Variants in BTD observed in about 807,000 individuals in gnomAD.
BTD encodes biocytinase.
In BTD, 13 loss-of-function variants were observed where a neutral mutation model predicts 17.7. That is an observed-to-expected ratio of 0.74 (90% CI 0.48 to 1.17). The LOEUF (loss-of-function observed/expected upper bound fraction) is 1.17, where lower values mean the gene tolerates loss of function less well. Ranked by LOEUF, BTD falls within the 50% of genes most tolerant of loss-of-function variation. The pLI is 0.00. For synonymous variants in BTD, 240 were observed against 245.2 expected (o/e 0.98, Z 0.20); for missense variants, 674 against 650.4 (o/e 1.04, Z -0.39).
At chr3:15,616,082 G>C (rs1411337885) in intron 1 of BTD, among the ~76,000 whole-genome samples, 1 of 151,976 alleles carries the variant, frequency 6.6e-6, no homozygotes, top group African/African-American at 2.4e-5. Context: ...TCCAAGTTTT[G>C]GTAACTATGA....
chr3:15,682,138 T>C (rs1387797480), intron 3 of BTD, among the ~76,000 whole-genome samples: 2 of 152,180 alleles, frequency 1.3e-5, no homozygotes, highest in South Asian at 2.1e-4. Context: ...AAATTAGCTA[T>C]GAAGAGATGT....
chr3:15,642,277 T>A lies in BTD; in HGVS notation c.399+220T>A, dbSNP rs2065532414. The stretch of plus-strand genomic sequence containing the variant: ...ATCTATGGATCTTTCCATTTATTAA[T>A]TACACAATAAATACAGGAATGTATA... On this transcript the variant is annotated intron_variant, in intron 3 of 3. Coordinates refer to ENST00000643237, the MANE Select transcript of BTD (RefSeq NM_001370658.1). 2.1e-6 allele frequency: 3 copies of A among 1,426,420 alleles called. No homozygotes were observed. The East Asian group carries it at 7.5e-5, about 36-fold the overall frequency. 88.4% of individuals were successfully genotyped at this position (1,426,420 alleles called of 1,614,324 possible). A position where few individuals can be genotyped will look rare whatever the true frequency, so the allele number is the denominator to read the frequency against.
intron 3 of BTD, chr3:15,678,461 G>T: frequency 9.7e-7 from 1 of 1,035,654 alleles, no homozygotes; most frequent in Non-Finnish European, 1.3e-6. Flanking sequence ...TACATATTAG[G>T]CTACAAAAGC....
intron 3 of BTD, among the ~76,000 whole-genome samples, chr3:15,687,786 G>A (rs2068310027): frequency 6.6e-6 from 1 of 152,164 alleles, no homozygotes. Context: ...ACTTGGGGAT[G>A]TTCAAGAAGA....
At chr3:15,694,637 G>C (rs2069272912) in intron 3 of BTD, 1 of 898,408 alleles carries the variant, frequency 1.1e-6, no homozygotes, top group Non-Finnish European at 1.7e-6. Flanking sequence ...ACTATTACAT[G>C]GACCAAAAGT....
chr3:15,665,698 T>C (rs903450133), intron 3 of BTD, among the ~76,000 whole-genome samples: 1 of 152,000 alleles, frequency 6.6e-6, no homozygotes, highest in African/African-American at 2.4e-5. Context: ...CCCACGGAGG[T>C]AGGGCGTGGC....
At chr3:15,689,106 T>C (rs973035467) in intron 3 of BTD, among the ~76,000 whole-genome samples, 7 of 152,246 alleles carry the variant, frequency 4.6e-5, no homozygotes, top group African/African-American at 1.4e-4. Flanking sequence ...ACAATCATTT[T>C]ACCACTTAAA....
intron 3 of BTD, among the ~76,000 whole-genome samples, chr3:15,682,407 G>C (rs1331692454): frequency 6.6e-6 from 1 of 152,040 alleles, no homozygotes; most frequent in Non-Finnish European, 1.5e-5. Flanking sequence ...ATCATTACTG[G>C]GTGATATCAA....
At position 15,644,585 on chromosome 3, in the gene BTD, C is replaced by G. The variant is rs774761127; in HGVS notation, c.669C>G (p.Phe223Leu). The change falls in exon 4 of 4, where the codon TTC (phenylalanine) becomes TTG (leucine). Residue 223 changes from phenylalanine (F) to leucine (L), a missense_variant. Phe to Leu is a conservative substitution (Grantham distance 22). Transcript: ENST00000643237. ...CCTTTGCTGGCAGGTTTGGCATCTTCACATGCTTTGATATATTGTTCTTTG... is the reference window on the plus strand; with the variant it reads ...CCTTTGCTGGCAGGTTTGGCATCTTGACATGCTTTGATATATTGTTCTTTG... ...DTPFAGRFGI[F>L]TCFDILFFDP... The G allele has an allele frequency of 3.1e-6, 5 of 1,614,192 alleles. No homozygotes were observed. The highest frequency in any genetic ancestry group is 4.2e-6 in the Non-Finnish European group (5 of 1,180,030).
chr3:15,617,034 T>TA (rs2064814453), intron 1 of BTD, among the ~76,000 whole-genome samples: 1 of 152,148 alleles, frequency 6.6e-6, no homozygotes, highest in Non-Finnish European at 1.5e-5. Flanking sequence ...GGGGTTTCAC[T>TA]ATGTTGGCTA....
chr3:15,608,073 A>C (rs927785012), intron 1 of BTD, among the ~76,000 whole-genome samples: 1 of 152,216 alleles, frequency 6.6e-6, no homozygotes, highest in African/African-American at 2.4e-5. Flanking sequence ...AAGCTTGATA[A>C]TAAAAACTCC....
chr3:15,648,001 C>T lies in BTD; in HGVS notation c.*2513C>T, dbSNP rs943555441. ...GAGCCCCTGCTGAGGGAAACCCACC[C>T]AGGCCACTTTTCCCCACAGGTGGCC... On this transcript the variant is annotated 3_prime_UTR_variant, in exon 4 of 4. Transcript: ENST00000643237. Among the ~76,000 whole-genome samples the T allele has an allele frequency of 1.3e-5, 2 of 152,220 alleles. No individual in the cohort carries two copies. Among genetic ancestry groups the T allele is most frequent in the Admixed American group, 1.3e-4 (2 of 15,288 alleles).
intron 3 of BTD, among the ~76,000 whole-genome samples, chr3:15,693,217 T>C (rs143030085): frequency 3.9e-5 from 6 of 152,306 alleles, no homozygotes; most frequent in African/African-American, 1.4e-4. Context: ...TGCTGAACTG[T>C]ACAATTAGAA....
chr3:15,690,161 A>G (rs767445866), intron 3 of BTD: 1 of 1,609,444 alleles, frequency 6.2e-7, no homozygotes, highest in African/African-American at 1.3e-5. Flanking sequence ...TATTTCTGAC[A>G]TCAAGATCTA....
intron 3 of BTD, among the ~76,000 whole-genome samples, chr3:15,683,333 T>C (rs532689198): frequency 6.6e-6 from 1 of 152,312 alleles, no homozygotes. Context: ...TTGTAAAATG[T>C]CAAGTCACAT....
intron 3 of BTD, among the ~76,000 whole-genome samples, chr3:15,693,319 T>TGG (rs200901276): frequency 8.3e-4 from 125 of 150,286 alleles, no homozygotes; most frequent in African/African-American, 3.0e-3. Flanking sequence ...AAAATAGTAA[T>TGG]GGGGGGGCAG....
At chr3:15,720,498 C>G (rs1466695252) in intron 4 of BTD, among the ~76,000 whole-genome samples, 1 of 152,152 alleles carries the variant, frequency 6.6e-6, no homozygotes, top group Non-Finnish European at 1.5e-5. Flanking sequence ...TATTTTCCTT[C>G]TAAGAGAAAA....
At chr3:15,678,356 T>C in intron 3 of BTD, 1 of 1,587,826 alleles carries the variant, frequency 6.3e-7, no homozygotes, top group Non-Finnish European at 8.5e-7. Context: ...AGAGGAGTTC[T>C]GTGATAAAGA....
chr3:15,708,100 C>A lies in BTD; in HGVS notation c.400-1960C>A, dbSNP rs776435463. The A allele has an allele frequency of 5.1e-6, 8 of 1,569,776 alleles. No individual in the cohort carries two copies. In the Middle Eastern group the frequency reaches 1.3e-3, roughly 263 times the overall value. ...CAAGTTAATACAAGAAAGATAAAAG[C>A]CAGAGACATAACTAGTAAACAAAAG... is the stretch of plus-strand genomic sequence containing the variant. On this transcript the variant is annotated intron_variant, in intron 3 of 3. Transcript: ENST00000672141.
Sources: gnomAD v4.1 joint callset for allele counts (sites outside exome capture counted in the v4.1 genomes callset) on GRCh38, gnomAD v4.1.1 for gene constraint, MANE v1.5 for transcripts, NCBI Gene and HGNC (gene_info 2026-07-23, HGNC 2026-07-21) for gene names.